CACNG2: variants seen among roughly 807,000 people sequenced by gnomAD.
CACNG2 encodes voltage-dependent calcium channel gamma-2 subunit.
Under a neutral mutation model 25.9 loss-of-function variants are expected in CACNG2, and 3 were observed. The ratio of observed to expected loss-of-function variants is 0.12; its 90% CI spans 0.05 to 0.30. CACNG2 has a LOEUF of 0.30. Among genes scored for constraint, CACNG2 ranks in the 10% least tolerant of loss-of-function variants. The probability of loss-of-function intolerance (pLI) is 1.00; values close to 1 mark genes in which losing one functional copy is unlikely to be tolerated. For synonymous variants in CACNG2, 167 were observed against 173.3 expected, an observed-to-expected ratio of 0.96 and a Z score of 0.29; for missense variants, 341 against 432.5, an observed-to-expected ratio of 0.79 and a Z score of 1.88.
chr22:36,690,679 A>G (rs1937257271), intron 1 of CACNG2, among the ~76,000 whole-genome samples: 1 of 152,200 alleles, frequency 6.6e-6, no homozygotes, highest in South Asian at 2.1e-4. Context: ...AACATAGCTC[A>G]TAAGTGACAG....
Position 36,625,007 on chromosome 22 carries a change from A to G in CACNG2, c.212-37459T>C, listed in dbSNP as rs538537515. Among the ~76,000 whole-genome samples the G allele has an allele frequency of 4.2e-4, 39 of 93,074 alleles. 1 individual carries two copies. The highest frequency in any genetic ancestry group is 2.0e-3 in the Admixed American group (13 of 6,636). 61.1% of individuals were successfully genotyped at this position (93,074 alleles called of 152,430 possible). The stretch of plus-strand genomic sequence containing the variant: ...CATGCCACTGCACTCCAGCCTGGCA[A>G]CAGAGTGAGACTCTGTCTCAAAAAA... On this transcript the variant is annotated intron_variant, in intron 1 of 3. Transcript: ENST00000300105.
chr22:36,572,695 T>G, intron 2 of CACNG2, among the ~76,000 whole-genome samples: 1 of 144,912 alleles, frequency 6.9e-6, no homozygotes, highest in Admixed American at 7.0e-5. Context: ...GGTGACAGAG[T>G]GAGTGAGACT....
At chr22:36,675,202 A>T (rs1937005153) in intron 1 of CACNG2, among the ~76,000 whole-genome samples, 1 of 151,280 alleles carries the variant, frequency 6.6e-6, no homozygotes, top group African/African-American at 2.4e-5. Context: ...ATACCCAGCT[A>T]TTTTTTTTCT....
At chr22:36,642,122 T>C (rs1426823881) in intron 1 of CACNG2, among the ~76,000 whole-genome samples, 1 of 152,064 alleles carries the variant, frequency 6.6e-6, no homozygotes, top group Non-Finnish European at 1.5e-5. Context: ...TGGGAGGGTA[T>C]AAAGATCTCA....
At chr22:36,586,947 A>AG (rs1475177199) in intron 2 of CACNG2, among the ~76,000 whole-genome samples, 2 of 147,368 alleles carry the variant, frequency 1.4e-5, no homozygotes, top group East Asian at 3.9e-4. Context: ...GGGGAAGAAA[A>AG]AATCTCTCTC....
intron 1 of CACNG2, among the ~76,000 whole-genome samples, chr22:36,644,321 C>T (rs975043480): frequency 1.3e-5 from 2 of 152,092 alleles, no homozygotes; most frequent in African/African-American, 2.4e-5. Context: ...AGCAACAATC[C>T]CCATTAGCTT....
intron 1 of CACNG2, among the ~76,000 whole-genome samples, chr22:36,685,638 T>C (rs890900998): frequency 6.6e-6 from 1 of 152,160 alleles, no homozygotes; most frequent in African/African-American, 2.4e-5. Context: ...AGGACAGGCC[T>C]TTTGAAACAG....
rs190615984 is a variant in CACNG2 at position 36,615,287 on chromosome 22, A to T, written c.212-27739T>A. Among the ~76,000 whole-genome samples the T allele has an allele frequency of 3.5e-4, 53 of 152,350 alleles. 1 individual carries two copies. Among genetic ancestry groups the T allele is most frequent in the Non-Finnish European group, 1.5e-4 (10 of 68,010 alleles). ...GATAAGACTAGTGAACAAACTGCAC[A>T]AACTACTGCCCAGTGGTTGGATTTC... On this transcript the variant is annotated intron_variant, in intron 1 of 3. Coordinates refer to ENST00000300105, the MANE Select transcript of CACNG2 (RefSeq NM_006078.5).
At chr22:36,659,105 A>T (rs1936750076) in intron 1 of CACNG2, among the ~76,000 whole-genome samples, 2 of 152,190 alleles carry the variant, frequency 1.3e-5, no homozygotes, top group South Asian at 4.1e-4. Flanking sequence ...GAAGTCTAAG[A>T]CGGTGTGGGC....
At chr22:36,665,044 G>A (rs1936856349) in intron 1 of CACNG2, among the ~76,000 whole-genome samples, 1 of 152,186 alleles carries the variant, frequency 6.6e-6, no homozygotes, top group African/African-American at 2.4e-5. Context: ...GAGAGAGGCT[G>A]ACAGGGAGAG....
chr22:36,626,196 A>T (rs545122598), intron 1 of CACNG2, among the ~76,000 whole-genome samples: 1 of 152,358 alleles, frequency 6.6e-6, no homozygotes, highest in East Asian at 1.9e-4. Context: ...CTGGGATTAC[A>T]GGCGTGAGCC....
At chr22:36,702,338 A>C in intron 1 of CACNG2, 28 bp downstream of exon 1, 1 of 1,268,172 alleles carries the variant, frequency 7.9e-7, no homozygotes, top group Non-Finnish European at 1.1e-6. Flanking sequence ...TGGGGTGGAG[A>C]GGGGGGAGGA....
chr22:36,596,427 C>T (rs1228803534), intron 1 of CACNG2, among the ~76,000 whole-genome samples: 1 of 152,112 alleles, frequency 6.6e-6, no homozygotes, highest in Non-Finnish European at 1.5e-5. Flanking sequence ...TGAGTTTGAT[C>T]GTTCTCTCGT....
Position 36,647,816 on chromosome 22 carries a change from C to T in CACNG2, c.211+54550G>A, listed in dbSNP as rs148320482. Among the ~76,000 whole-genome samples, 321 of 152,278 alleles carry T rather than the reference C, an allele frequency of 2.1e-3. 2 individuals carry two copies. Among genetic ancestry groups the T allele is most frequent in the Non-Finnish European group, 3.8e-3 (258 of 68,024 alleles). ...AGTTAAGCCTTGAGTCACACACTCT[C>T]CTAGCTCCCTGTGTTTTTCCTTCAC... On this transcript the variant is annotated intron_variant, in intron 1 of 3. Coordinates refer to ENST00000300105, the MANE Select transcript of CACNG2 (RefSeq NM_006078.5).
chr22:36,563,668 G>A lies in CACNG2; in HGVS notation c.*683C>T, dbSNP rs931267857. On this transcript the variant is annotated 3_prime_UTR_variant, in exon 4 of 4. Coordinates refer to ENST00000300105, the MANE Select transcript of CACNG2 (RefSeq NM_006078.5). ...TGCCCCATCAATGCTGGGCGGAGCCGGCTCGAGCTCTGAGCCTTCCTGGAG... is the reference window on the plus strand; with the variant it reads ...TGCCCCATCAATGCTGGGCGGAGCCAGCTCGAGCTCTGAGCCTTCCTGGAG... Among the ~76,000 whole-genome samples, 1 of 151,892 alleles carries A rather than the reference G, an allele frequency of 6.6e-6. No individual in the cohort carries two copies. The highest frequency in any genetic ancestry group is 1.5e-5 in the Non-Finnish European group (1 of 67,912).
At chr22:36,690,785 C>T (rs1204298387) in intron 1 of CACNG2, among the ~76,000 whole-genome samples, 3 of 152,104 alleles carry the variant, frequency 2.0e-5, no homozygotes, top group South Asian at 2.1e-4. Context: ...ATGATGATGA[C>T]GATGATGGGA....
At chr22:36,659,173 T>C (rs894463126) in intron 1 of CACNG2, among the ~76,000 whole-genome samples, 2 of 152,086 alleles carry the variant, frequency 1.3e-5, no homozygotes, top group Non-Finnish European at 2.9e-5. Flanking sequence ...GAGATTTCTA[T>C]GGCATTATTA....
intron 1 of CACNG2, among the ~76,000 whole-genome samples, chr22:36,609,657 G>GC (rs11462470): frequency 0.076 from 2,332 of 30,868 alleles, 637 homozygotes; most frequent in East Asian, 0.19. Flanking sequence ...GCAGGAATCA[G>GC]CCCCCCAGAG....
At chr22:36,595,344 G>A (rs1935663530) in intron 1 of CACNG2, among the ~76,000 whole-genome samples, 1 of 152,198 alleles carries the variant, frequency 6.6e-6, no homozygotes, top group South Asian at 2.1e-4. Flanking sequence ...GCTCAAGGGA[G>A]CTCATCACCA....
Sources: allele counts gnomAD v4.1 joint callset (sites outside exome capture counted in the v4.1 genomes callset), GRCh38; gene constraint gnomAD v4.1.1; transcripts MANE v1.5; gene names NCBI Gene and HGNC (gene_info 2026-07-23, HGNC 2026-07-21).